Variants in SESTD1 observed in about 807,000 individuals in gnomAD.
The protein encoded by SESTD1 is SEC14 and spectrin domain containing 1, also known as SEC14 domain and spectrin repeat-containing protein 1.
A neutral mutation model predicts 101.7 loss-of-function variants in SESTD1; 43 were observed. That is an observed-to-expected ratio of 0.42 (90% confidence interval 0.33 to 0.55). The LOEUF (loss-of-function observed/expected upper bound fraction) is 0.55. Among genes scored for constraint, SESTD1 ranks in the 20% least tolerant of loss-of-function variants. The pLI is 0.07. For missense variants in SESTD1, 647 were observed against 815.1 expected (o/e 0.79, Z 2.51); for synonymous variants, 283 against 286.8 (o/e 0.99, Z 0.13).
rs142633544 is a variant in SESTD1 at position 179,144,477 on chromosome 2, C to G, written c.638-674G>C. On this transcript the variant is annotated intron_variant, in intron 8 of 17. Coordinates refer to ENST00000428443, the MANE Select transcript of SESTD1 (RefSeq NM_178123.5). Reference sequence around the variant, plus strand: ...ATGAATGTGACTCAATTACAGCAAACTCATGTAGAAAATCCACTCATACAT... The same window carrying G: ...ATGAATGTGACTCAATTACAGCAAAGTCATGTAGAAAATCCACTCATACAT... Among the ~76,000 whole-genome samples, 213 of 152,126 alleles carry G rather than the reference C, an allele frequency of 1.4e-3. 1 individual carries two copies. Among genetic ancestry groups the G allele is most frequent in the Middle Eastern group, 0.01 (3 of 294 alleles).
In SESTD1 at chr2:179,257,287, TG is replaced by T. The variant is rs2047411752; in HGVS notation, c.-26+7211del. ...CCCAAACTTCAAGCAACAACCATCC[TG>T]ATCAGTAGCTATAAACACTAAGGTA... On this transcript the variant is annotated intron_variant, in intron 1 of 17. Coordinates refer to ENST00000428443, the MANE Select transcript of SESTD1 (RefSeq NM_178123.5). Among the ~76,000 whole-genome samples, 11 of 152,292 alleles carry T rather than the reference TG, an allele frequency of 7.2e-5. No individual in the cohort carries two copies. The South Asian group carries it at 2.1e-3, about 29-fold the overall frequency.
chr2:179,223,342 A>G (rs1487390392), intron 1 of SESTD1, among the ~76,000 whole-genome samples: 1 of 152,172 alleles, frequency 6.6e-6, no homozygotes, highest in African/African-American at 2.4e-5. Context: ...GAAATACTGT[A>G]AAATTAAATT....
chr2:179,219,893 T>TTGAAAGTTA (rs1453164527), intron 1 of SESTD1, among the ~76,000 whole-genome samples: 7 of 152,190 alleles, frequency 4.6e-5, no homozygotes, highest in Admixed American at 4.6e-4. Context: ...CTAAATTAAT[T>TTGAAAGTTA]TGAAAGTTAA....
chr2:179,185,576 A>G (rs1283848882), intron 2 of SESTD1, among the ~76,000 whole-genome samples: 1 of 131,922 alleles, frequency 7.6e-6, no homozygotes, highest in Non-Finnish European at 1.5e-5. Context: ...TATATAATAT[A>G]CTATATTATA....
intron 5 of SESTD1, among the ~76,000 whole-genome samples, chr2:179,154,032 C>G (rs1216472592): frequency 6.8e-6 from 1 of 146,898 alleles, no homozygotes; most frequent in Non-Finnish European, 1.5e-5. Flanking sequence ...TTGCTTGAAA[C>G]CAGGAGTTTA....
intron 9 of SESTD1, among the ~76,000 whole-genome samples, chr2:179,140,462 G>C (rs2045253224): frequency 6.6e-6 from 1 of 152,158 alleles, no homozygotes; most frequent in African/African-American, 2.4e-5. Flanking sequence ...AAGGAGAGAG[G>C]CTGGAACAGA....
chr2:179,200,464 G>A (rs1307476663), intron 1 of SESTD1, among the ~76,000 whole-genome samples: 2 of 146,196 alleles, frequency 1.4e-5, no homozygotes, highest in Admixed American at 6.7e-5. Flanking sequence ...GCATCACCAA[G>A]TCAATCCTAA....
chr2:179,241,467 G>A (rs1473725287), intron 1 of SESTD1, among the ~76,000 whole-genome samples: 1 of 152,016 alleles, frequency 6.6e-6, no homozygotes, highest in African/African-American at 2.4e-5. Context: ...GAAAATAAAT[G>A]GAATCTTATC....
At chr2:179,154,267 A>G (rs1307170485) in intron 5 of SESTD1, among the ~76,000 whole-genome samples, 1 of 136,522 alleles carries the variant, frequency 7.3e-6, no homozygotes, top group African/African-American at 2.7e-5. Context: ...GAAAGAAGAA[A>G]GGGAAGGAAG....
intron 9 of SESTD1, among the ~76,000 whole-genome samples, chr2:179,142,191 G>A (rs978676587): frequency 6.6e-6 from 1 of 152,162 alleles, no homozygotes; most frequent in Non-Finnish European, 1.5e-5. Context: ...TACTATAATG[G>A]AAGAGTTAAG....
At chr2:179,175,163 G>A (rs1170499181) in intron 4 of SESTD1, among the ~76,000 whole-genome samples, 4 of 152,044 alleles carry the variant, frequency 2.6e-5, no homozygotes, top group Non-Finnish European at 5.9e-5. Context: ...CTTGAGCCTC[G>A]TTGACCTCTG....
intron 1 of SESTD1, among the ~76,000 whole-genome samples, chr2:179,197,179 C>A (rs572626150): frequency 6.6e-6 from 1 of 151,406 alleles, no homozygotes; most frequent in Non-Finnish European, 1.5e-5. Context: ...CCTCAGGAGC[C>A]GATGCAATCA....
At chr2:179,195,919 A>C (rs2046384335) in intron 1 of SESTD1, among the ~76,000 whole-genome samples, 1 of 152,070 alleles carries the variant, frequency 6.6e-6, no homozygotes, top group Non-Finnish European at 1.5e-5. Flanking sequence ...AAATAGAATA[A>C]CTGGTTGTTT....
chr2:179,131,294 A>G (rs1366206735), intron 10 of SESTD1, among the ~76,000 whole-genome samples: 1 of 152,230 alleles, frequency 6.6e-6, no homozygotes, highest in African/African-American at 2.4e-5. Flanking sequence ...ATTCTAGTAA[A>G]GATGAGATTT....
chr2:179,143,310 T>C (rs936122738), intron 9 of SESTD1, among the ~76,000 whole-genome samples: 3 of 152,180 alleles, frequency 2.0e-5, no homozygotes, highest in Non-Finnish European at 4.4e-5. Context: ...ATGTTATTTA[T>C]TGCAAGAATA....
chr2:179,188,569 G>A (rs774315005), intron 2 of SESTD1, among the ~76,000 whole-genome samples: 3 of 152,076 alleles, frequency 2.0e-5, no homozygotes, highest in Non-Finnish European at 2.9e-5. Flanking sequence ...AGCTCAGGAG[G>A]TCAAAGCTGC....
intron 1 of SESTD1, among the ~76,000 whole-genome samples, chr2:179,219,419 C>A (rs2046781135): frequency 6.6e-6 from 1 of 152,214 alleles, no homozygotes; most frequent in Non-Finnish European, 1.5e-5. Flanking sequence ...GTAACTAAAT[C>A]ATCTCTAGTA....
At chr2:179,140,443 C>T (rs1289710490) in intron 9 of SESTD1, among the ~76,000 whole-genome samples, 1 of 152,076 alleles carries the variant, frequency 6.6e-6, no homozygotes, top group East Asian at 1.9e-4. Context: ...AGATGGCCAT[C>T]GTCAAGTCAA....
intron 1 of SESTD1, among the ~76,000 whole-genome samples, chr2:179,228,293 G>A (rs575432134): frequency 2.0e-5 from 3 of 152,096 alleles, no homozygotes; most frequent in African/African-American, 7.2e-5. Context: ...CACTACTCCC[G>A]GCCTGAATAT....
Sources: gnomAD v4.1 joint callset for allele counts (sites outside exome capture counted in the v4.1 genomes callset) on GRCh38, gnomAD v4.1.1 for gene constraint, MANE v1.5 for transcripts, NCBI Gene and HGNC (gene_info 2026-07-23, HGNC 2026-07-21) for gene names.